The following SNX29 variants were observed in gnomAD, a reference collection of about 807,000 sequenced individuals.
SNX29 encodes the protein sorting nexin-29.
A neutral mutation model predicts 102.1 loss-of-function variants in SNX29; 78 were observed. That is an observed-to-expected ratio of 0.76 (90% CI 0.64 to 0.92). The LOEUF is 0.92. SNX29 is among the 40% of genes least tolerant of loss of function. The probability of loss-of-function intolerance (pLI) is 0.00; values close to 1 mark genes in which losing one functional copy is unlikely to be tolerated. For synonymous variants in SNX29, 580 were observed against 414.5 expected (o/e 1.40, Z -4.85); for missense variants, 1,280 against 1,061.7 (o/e 1.21, Z -2.86).
intron 12 of SNX29, among the ~76,000 whole-genome samples, chr16:12,128,718 G>C: frequency 6.6e-6 from 1 of 152,162 alleles, no homozygotes; most frequent in Non-Finnish European, 1.5e-5. Flanking sequence ...CTCCCTAAGT[G>C]CTGGATTACA....
At chr16:12,125,479 G>A (rs561202727) in intron 11 of SNX29, among the ~76,000 whole-genome samples, 29 of 152,126 alleles carry the variant, frequency 1.9e-4, no homozygotes, top group Non-Finnish European at 3.5e-4. Context: ...ACCTGGGAGG[G>A]TAGGGAAGGG....
chr16:12,419,524 A>G (rs887380893), intron 18 of SNX29, among the ~76,000 whole-genome samples: 1 of 151,826 alleles, frequency 6.6e-6, no homozygotes, highest in Non-Finnish European at 1.5e-5. Context: ...GACCAAGGGT[A>G]CAGCTTGAAT....
chr16:12,242,564 CTCTTTTCTTCT>C (rs1307069071), intron 14 of SNX29, among the ~76,000 whole-genome samples: 9 of 145,494 alleles, frequency 6.2e-5, no homozygotes, highest in East Asian at 3.9e-4. Flanking sequence ...ATTTGGCCGG[CTCTTTTCTTCT>C]TCTTTTCTTC....
chr16:12,570,158 G>GCC lies in SNX29; in HGVS notation c.*1535_*1536dup. 9.4e-7 allele frequency: 1 copy of GCC among 1,064,132 alleles called. No homozygotes were observed. The highest frequency in any genetic ancestry group is 1.6e-5 in the African/African-American group (1 of 61,044). 65.9% of individuals were successfully genotyped at this position (1,064,132 alleles called of 1,614,324 possible). A position where few individuals can be genotyped will look rare whatever the true frequency, so the allele number is the denominator to read the frequency against. ...AAGGCTGAGATCACTCACACACAGC[G>GCC]CCCCCCCACCCCAGAGAAACCGAGT... On this transcript the variant is annotated 3_prime_UTR_variant, in exon 21 of 21. Transcript: ENST00000566228.
chr16:12,149,785 G>A (rs575514934), intron 13 of SNX29, among the ~76,000 whole-genome samples: 62 of 152,324 alleles, frequency 4.1e-4, no homozygotes, highest in African/African-American at 1.5e-3. Context: ...AATAAATGAA[G>A]GCAGTTCTAT....
At chr16:12,230,495 C>T (rs1006172089) in intron 14 of SNX29, among the ~76,000 whole-genome samples, 5 of 152,168 alleles carry the variant, frequency 3.3e-5, no homozygotes, top group African/African-American at 4.8e-5. Context: ...GGAAACTGGA[C>T]CATTCTGCAA....
At chr16:12,555,914 T>A (rs548685099) in intron 20 of SNX29, among the ~76,000 whole-genome samples, 5 of 152,162 alleles carry the variant, frequency 3.3e-5, no homozygotes, top group Non-Finnish European at 7.3e-5. Context: ...AAACCTTATT[T>A]TTGCGTATGG....
intron 18 of SNX29, among the ~76,000 whole-genome samples, chr16:12,405,760 A>G (rs1363665432): frequency 6.6e-6 from 1 of 152,226 alleles, no homozygotes; most frequent in African/African-American, 2.4e-5. Flanking sequence ...CTGGCCAAGC[A>G]TGGTGGCTCA....
intron 11 of SNX29, among the ~76,000 whole-genome samples, chr16:12,093,367 T>G (rs1428945064): frequency 6.6e-6 from 1 of 152,172 alleles, no homozygotes; most frequent in Non-Finnish European, 1.5e-5. Context: ...CCCAACACTT[T>G]GGGAGGACAA....
In SNX29 at chr16:12,182,189, GTTTTTTT is replaced by G. The variant is rs67550670; in HGVS notation, c.1596-17397_1596-17391del. Among the ~76,000 whole-genome samples, 6 of 122,034 alleles carry G rather than the reference GTTTTTTT, an allele frequency of 4.9e-5. No homozygotes were observed. The South Asian group carries it at 1.7e-3, about 34-fold the overall frequency. 80.1% of individuals were successfully genotyped at this position (122,034 alleles called of 152,430 possible). On this transcript the variant is annotated intron_variant, in intron 13 of 20. Transcript: ENST00000566228. ...GGCATGAGCCACTGTGCCCGGCCTA[GTTTTTTT>G]TTTTTTTTTTTTTTAATGGGGATTT... is the stretch of plus-strand genomic sequence containing the variant.
At position 12,019,581 on chromosome 16, in the gene SNX29, A is replaced by AATAT. The variant is rs199652904; in HGVS notation, c.123-7729_123-7726dup. On this transcript the variant is annotated intron_variant, in intron 3 of 20. Coordinates refer to ENST00000566228, the MANE Select transcript of SNX29 (RefSeq NM_032167.5). ...TCCCTTTGGAATTGTTATATATGTAAATATATATATATAGATAGATAGATA... is the reference window on the plus strand; with the variant it reads ...TCCCTTTGGAATTGTTATATATGTAAATATATATATATATATAGATAGATAGATA... 1.2e-3 allele frequency among the ~76,000 whole-genome samples: 173 copies of AATAT among 147,746 alleles called. 2 individuals carry two copies. Among genetic ancestry groups the AATAT allele is most frequent in the South Asian group, 6.6e-3 (31 of 4,698 alleles).
intron 16 of SNX29, among the ~76,000 whole-genome samples, chr16:12,364,161 T>TATGTTA (rs376565121): frequency 2.3e-4 from 32 of 138,474 alleles, no homozygotes; most frequent in African/African-American, 6.8e-4. Flanking sequence ...CCTGGCTTGT[T>TATGTTA]TGTTATGTTA....
At chr16:12,340,982 C>T (rs2081594759) in intron 15 of SNX29, among the ~76,000 whole-genome samples, 1 of 152,186 alleles carries the variant, frequency 6.6e-6, no homozygotes, top group South Asian at 2.1e-4. Flanking sequence ...ACAGTCTCTT[C>T]TAAGCCCCTA....
At chr16:12,165,310 C>T (rs575941364) in intron 13 of SNX29, among the ~76,000 whole-genome samples, 3 of 152,118 alleles carry the variant, frequency 2.0e-5, no homozygotes, top group Non-Finnish European at 4.4e-5. Flanking sequence ...TTGCAGTGTG[C>T]TTTCTAGTTA....
intron 13 of SNX29, among the ~76,000 whole-genome samples, chr16:12,196,629 T>C (rs569718852): frequency 1.7e-4 from 25 of 148,332 alleles, no homozygotes; most frequent in African/African-American, 5.1e-4. Context: ...TTTCTTTTTT[T>C]TTTTTTTTTG....
chr16:12,012,125 C>G (rs11641950), intron 3 of SNX29, among the ~76,000 whole-genome samples: 1 of 151,908 alleles, frequency 6.6e-6, no homozygotes, highest in Non-Finnish European at 1.5e-5. Flanking sequence ...AAATTCAAAA[C>G]TGAATCTGGG....
At chr16:12,458,681 A>G (rs546780867) in intron 18 of SNX29, among the ~76,000 whole-genome samples, 32 of 151,636 alleles carry the variant, frequency 2.1e-4, no homozygotes, top group Non-Finnish European at 4.1e-4. Context: ...TTAGAAGGCC[A>G]GTTAAACCCA....
intron 4 of SNX29, 77 bp downstream of exon 4, chr16:12,027,521 G>T: frequency 6.4e-7 from 1 of 1,567,502 alleles, no homozygotes; most frequent in Non-Finnish European, 8.6e-7. Flanking sequence ...TTTTTTAATA[G>T]TGGGCAGGGC....
At chr16:12,089,325 T>C (rs1425836502) in intron 11 of SNX29, among the ~76,000 whole-genome samples, 1 of 150,886 alleles carries the variant, frequency 6.6e-6, no homozygotes, top group Admixed American at 6.6e-5. Flanking sequence ...AGCAAGACCG[T>C]CTCAAAAAAT....
Sources: gnomAD v4.1 joint callset for allele counts (sites outside exome capture counted in the v4.1 genomes callset) on GRCh38, gnomAD v4.1.1 for gene constraint, MANE v1.5 for transcripts, NCBI Gene and HGNC (gene_info 2026-07-23, HGNC 2026-07-21) for gene names.